Variants in PPP5C observed in about 807,000 individuals in gnomAD.
The protein encoded by PPP5C is protein phosphatase 5 catalytic subunit.
PPP5C carries 21 observed loss-of-function variants against 66.7 expected under a neutral mutation model. The ratio of observed to expected loss-of-function variants is 0.31; its 90% CI spans 0.22 to 0.45. The LOEUF is 0.45. Among genes scored for constraint, PPP5C ranks in the 20% least tolerant of loss-of-function variants. The probability of loss-of-function intolerance (pLI) is 1.00; values close to 1 mark genes in which losing one functional copy is unlikely to be tolerated. For synonymous variants in PPP5C, 246 were observed against 257.4 expected, an observed-to-expected ratio of 0.96 and a Z score of 0.43; for missense variants, 464 against 675.9, an observed-to-expected ratio of 0.69 and a Z score of 3.48.
rs1568576062 is a variant in PPP5C, at chr19:46,383,311, C to CCCTCAGCCCAGCAGCGTCT, written c.634-98_634-80dup. The CCCTCAGCCCAGCAGCGTCT allele has an allele frequency of 6.4e-7, 1 of 1,557,002 alleles. No homozygotes were observed. The highest frequency in any genetic ancestry group is 1.2e-5 in the South Asian group (1 of 84,210). On this transcript the variant is annotated intron_variant, in intron 4 of 12. Transcript: ENST00000012443. The surrounding 1 kb of genome is among the most constrained non-coding windows in gnomAD (Gnocchi z 5.0). ...TTCTTCTCTCCCTGCTTCTCCCTCG[C>CCCTCAGCCCAGCAGCGTCT]CCTCAGCCCAGCAGCGTCTCATGGG...
chr19:46,363,307 CAAAAAAAAAAAAAAAAAAAAAAAAAAAAA>C (rs1158423038), intron 2 of PPP5C, among the ~76,000 whole-genome samples: 10 of 27,940 alleles, frequency 3.6e-4, no homozygotes, highest in African/African-American at 1.3e-3. Flanking sequence ...GACTCCATCT[CAAAAAAAAAAAAAAAAAAAAAAAAAAAAA>C]AAAAAAAAAA....
chr19:46,347,160 G>A lies in PPP5C; in HGVS notation c.64G>A (p.Asp22Asn). The A allele has an allele frequency of 1.2e-6, 2 of 1,606,120 alleles. No individual in the cohort carries two copies. Among genetic ancestry groups the A allele is most frequent in the East Asian group, 4.5e-5 (2 of 44,580 alleles). Residue 22 changes from aspartate to asparagine, a missense_variant, in exon 1 of 13, where the codon GAT becomes AAT. Asp to Asn is a conservative substitution (Grantham distance 23). Transcript: ENST00000012443. ...AEPPRDEPPA[D>N]GALKRAEELK... is the part of the protein sequence containing the mutation. ...GCCCCCCCGGGACGAACCCCCGGCTGATGGAGCTCTGAAGCGGGCAGAGGA... is the reference window on the plus strand; with the variant it reads ...GCCCCCCCGGGACGAACCCCCGGCTAATGGAGCTCTGAAGCGGGCAGAGGA...
At chr19:46,347,677 A>G (rs1214919754) in intron 1 of PPP5C, among the ~76,000 whole-genome samples, 4 of 151,410 alleles carry the variant, frequency 2.6e-5, no homozygotes, top group Non-Finnish European at 4.4e-5. Context: ...TGGGGGGAAC[A>G]AGGAAGTAGG....
At chr19:46,366,743 CCCAT>C (rs1411292082) in intron 2 of PPP5C, among the ~76,000 whole-genome samples, 2 of 152,172 alleles carry the variant, frequency 1.3e-5, no homozygotes, top group Non-Finnish European at 2.9e-5. Context: ...TTAATAATTG[CCCAT>C]CCATTGTGGA....
At chr19:46,368,136 T>G (rs1409899759) in intron 2 of PPP5C, among the ~76,000 whole-genome samples, 1 of 152,214 alleles carries the variant, frequency 6.6e-6, no homozygotes, top group African/African-American at 2.4e-5. Flanking sequence ...TTGTAGAGAT[T>G]AGTGCCACCA....
chr19:46,379,118 AT>A (rs1972746329), intron 4 of PPP5C, among the ~76,000 whole-genome samples: 1 of 152,194 alleles, frequency 6.6e-6, no homozygotes, highest in Non-Finnish European at 1.5e-5. Context: ...CAGTGGCGCA[AT>A]CTCAGCTCAC....
At chr19:46,354,922 A>T (rs1972257478) in intron 2 of PPP5C, among the ~76,000 whole-genome samples, 1 of 152,172 alleles carries the variant, frequency 6.6e-6, no homozygotes, top group Non-Finnish European at 1.5e-5. Flanking sequence ...ACCTAATGAA[A>T]ATCCTGACGG....
At chr19:46,361,537 G>C (rs1972390248) in intron 2 of PPP5C, among the ~76,000 whole-genome samples, 1 of 137,568 alleles carries the variant, frequency 7.3e-6, no homozygotes, top group African/African-American at 2.7e-5. Context: ...ATGAGGTCAA[G>C]AGATCGAGAC....
At chr19:46,360,049 G>T (rs1272180791) in intron 2 of PPP5C, among the ~76,000 whole-genome samples, 1 of 152,106 alleles carries the variant, frequency 6.6e-6, no homozygotes, top group East Asian at 1.9e-4. Flanking sequence ...AGAGTGCTGG[G>T]ATTACAGGCC....
rs1215122116 is a variant in PPP5C at position 46,376,484 on chromosome 19, TGAA to T, written c.546_548del (p.Glu182del). On this transcript the variant is annotated inframe_deletion, in exon 4 of 13. Coordinates refer to ENST00000012443, the MANE Select transcript of PPP5C (RefSeq NM_006247.4). The surrounding 1 kb of genome is among the most constrained non-coding windows in gnomAD (Gnocchi z 5.1). ...AGGATGAGTACAGCGGACCCAAGCT[TGAA>T]GACGGCAAAGTGACAATCAGTTTCA... The T allele has an allele frequency of 6.2e-7, 1 of 1,613,654 alleles. No individual in the cohort carries two copies. Among genetic ancestry groups the T allele is most frequent in the Non-Finnish European group, 8.5e-7 (1 of 1,179,866 alleles).
chr19:46,378,818 A>G (rs1024786571), intron 4 of PPP5C, among the ~76,000 whole-genome samples: 1 of 151,384 alleles, frequency 6.6e-6, no homozygotes, highest in Admixed American at 6.6e-5. Context: ...GTATCTTTAT[A>G]TTTAAAATGT....
At position 46,387,088 on chromosome 19, in the gene PPP5C, G is replaced by A. The variant is rs1601446335; in HGVS notation, c.905-5G>A. The stretch of plus-strand genomic sequence containing the variant: ...AGCTTTCTCTTCTGTCCCCGTGTTG[G>A]CCAGGCAACCACGAGACAGACAACA... On this transcript the variant is annotated splice_polypyrimidine_tract_variant and splice_region_variant and intron_variant, in intron 7 of 12. Transcript: ENST00000012443. 1 of 1,614,102 alleles carries A rather than the reference G, an allele frequency of 6.2e-7. No individual in the cohort carries two copies. Among genetic ancestry groups the A allele is most frequent in the African/African-American group, 1.3e-5 (1 of 74,952 alleles).
chr19:46,356,644 C>CT (rs1234288332), intron 2 of PPP5C, among the ~76,000 whole-genome samples: 1 of 152,212 alleles, frequency 6.6e-6, no homozygotes, highest in Non-Finnish European at 1.5e-5. Flanking sequence ...ACTTGAACCC[C>CT]TAGTCCATGC....
intron 2 of PPP5C, among the ~76,000 whole-genome samples, chr19:46,358,664 G>A (rs552212731): frequency 6.6e-6 from 1 of 152,262 alleles, no homozygotes; most frequent in South Asian, 2.1e-4. Context: ...AGGTTATCTC[G>A]GGAAGTGCTC....
chr19:46,366,781 TC>T (rs996136459), intron 2 of PPP5C, among the ~76,000 whole-genome samples: 1 of 152,206 alleles, frequency 6.6e-6, no homozygotes, highest in East Asian at 1.9e-4. Flanking sequence ...AGTTACGGTG[TC>T]TGTGGTTGGT....
intron 2 of PPP5C, among the ~76,000 whole-genome samples, chr19:46,354,969 C>A (rs535872225): frequency 6.6e-6 from 1 of 152,324 alleles, no homozygotes; most frequent in East Asian, 1.9e-4. Flanking sequence ...ACCTTCACAC[C>A]AGGTGTGCTC....
chr19:46,357,250 G>A (rs1467649045), intron 2 of PPP5C, among the ~76,000 whole-genome samples: 1 of 152,136 alleles, frequency 6.6e-6, no homozygotes, highest in Non-Finnish European at 1.5e-5. Context: ...GTTTCACCAT[G>A]TTGCCCAGGC....
At chr19:46,355,910 G>A (rs558824962) in intron 2 of PPP5C, among the ~76,000 whole-genome samples, 1 of 152,188 alleles carries the variant, frequency 6.6e-6, no homozygotes, top group South Asian at 2.1e-4. Flanking sequence ...TGGGGCTGCA[G>A]GAGCATCTTT....
intron 9 of PPP5C, 194 bp downstream of exon 9, chr19:46,387,647 G>A (rs759928705): frequency 2.6e-5 from 39 of 1,512,740 alleles, no homozygotes; most frequent in Non-Finnish European, 3.4e-5. Flanking sequence ...AAGCACGGTC[G>A]TGACCATGGT....
Sources: gnomAD v4.1 joint callset for allele counts (sites outside exome capture counted in the v4.1 genomes callset) on GRCh38, gnomAD v4.1.1 for gene constraint, Gnocchi (gnomAD v3.1) non-coding constraint, MANE v1.5 for transcripts, NCBI Gene and HGNC (gene_info 2026-07-23, HGNC 2026-07-21) for gene names.